The following AFF3 variants were observed in gnomAD, a reference collection of about 807,000 sequenced individuals.
AFF3 encodes the protein ALF transcription elongation factor 3, also known as AF4/FMR2 family member 3.
A neutral mutation model predicts 129.7 loss-of-function variants in AFF3; 32 were observed. The observed-to-expected ratio is 0.25, with a 90% CI of 0.19 to 0.33. The LOEUF (loss-of-function observed/expected upper bound fraction) is 0.33, where lower values mean the gene tolerates loss of function less well. Ranked by LOEUF, AFF3 falls within the 10% of genes least tolerant of loss-of-function variation. AFF3 has a pLI of 1.00. For synonymous variants in AFF3, 644 were observed against 635.4 expected (o/e 1.01, Z -0.20); for missense variants, 1,373 against 1,592.0 (o/e 0.86, Z 2.34).
chr2:99,836,007 G>A (rs963537882), intron 8 of AFF3, among the ~76,000 whole-genome samples: 8 of 152,144 alleles, frequency 5.3e-5, no homozygotes, highest in Non-Finnish European at 1.0e-4. Flanking sequence ...ATTGAATTTT[G>A]CTTTACCTAA....
chr2:100,037,036 G>A (rs1351451649), intron 4 of AFF3, among the ~76,000 whole-genome samples: 2 of 151,968 alleles, frequency 1.3e-5, no homozygotes, highest in Non-Finnish European at 2.9e-5. Context: ...TATCAAAAGC[G>A]TTCTGAAAGC....
intron 7 of AFF3, among the ~76,000 whole-genome samples, chr2:99,980,590 A>G (rs1210194206): frequency 2.0e-5 from 3 of 152,174 alleles, no homozygotes; most frequent in Admixed American, 1.3e-4. Context: ...TTAAGCAGAG[A>G]GCCAGGTATT....
intron 4 of AFF3, among the ~76,000 whole-genome samples, chr2:100,048,944 A>G (rs1420584480): frequency 2.0e-5 from 3 of 152,234 alleles, no homozygotes; most frequent in Admixed American, 6.5e-5. Flanking sequence ...GGTTTTTTAA[A>G]ATAAAAAAGA....
At chr2:100,030,081 TAATAATAA>T (rs1684371455) in intron 4 of AFF3, among the ~76,000 whole-genome samples, 2 of 149,846 alleles carry the variant, frequency 1.3e-5, no homozygotes, top group South Asian at 4.2e-4. Flanking sequence ...ATAATAATAA[TAATAATAA>T]TAATAATAAT....
intron 13 of AFF3, among the ~76,000 whole-genome samples, chr2:99,631,780 T>C (rs1011676146): frequency 4.6e-5 from 7 of 152,216 alleles, no homozygotes; most frequent in Non-Finnish European, 8.8e-5. Flanking sequence ...TGCTTCTACC[T>C]TTTGGCTATT....
intron 7 of AFF3, among the ~76,000 whole-genome samples, chr2:99,927,769 T>G (rs1284087524): frequency 6.6e-6 from 1 of 152,216 alleles, no homozygotes; most frequent in Admixed American, 6.5e-5. Context: ...CTAAGTGTCC[T>G]AATCAGAGAA....
chr2:99,988,916 G>A (rs1291105263), intron 7 of AFF3, among the ~76,000 whole-genome samples: 1 of 152,210 alleles, frequency 6.6e-6, no homozygotes, highest in Non-Finnish European at 1.5e-5. Context: ...GTTGAACTAA[G>A]TTTGGAAGAG....
At chr2:100,122,233 G>A (rs933772358) in intron 2 of AFF3, among the ~76,000 whole-genome samples, 1 of 152,052 alleles carries the variant, frequency 6.6e-6, no homozygotes. Context: ...TTTTTTATTG[G>A]TGCATTCTTT....
chr2:99,921,724 A>T (rs1463079740), intron 7 of AFF3, among the ~76,000 whole-genome samples: 1 of 152,182 alleles, frequency 6.6e-6, no homozygotes, highest in Non-Finnish European at 1.5e-5. Flanking sequence ...ACTTCATCAC[A>T]ATTAAAAATA....
At chr2:99,893,144 G>A (rs1387588950) in intron 7 of AFF3, among the ~76,000 whole-genome samples, 2 of 152,160 alleles carry the variant, frequency 1.3e-5, no homozygotes, top group Non-Finnish European at 2.9e-5. Flanking sequence ...AAAAATCCAC[G>A]TAACTGTCTT....
rs1028702223 is a variant in AFF3 at position 100,139,527 on chromosome 2, C to A, written c.-228+2957G>T. On this transcript the variant is annotated intron_variant, in intron 1 of 24. Transcript: ENST00000672756. ...TCTAGTTGTCTTGTATTCATTATAA[C>A]CCCCCATTTTTAGTGCAGATAAAAA... 5.3e-5 allele frequency among the ~76,000 whole-genome samples: 8 copies of A among 152,204 alleles called. No individual in the cohort carries two copies. The East Asian group carries it at 7.7e-4, about 15-fold the overall frequency.
intron 7 of AFF3, among the ~76,000 whole-genome samples, chr2:99,844,434 CTT>C (rs984233053): frequency 2.2e-5 from 2 of 92,464 alleles, no homozygotes; most frequent in Non-Finnish European, 2.0e-5. Context: ...TTTTTCTTTT[CTT>C]TTTTTTTTTT....
intron 1 of AFF3, among the ~76,000 whole-genome samples, chr2:100,136,558 CAT>C (rs570593142): frequency 8.5e-5 from 13 of 152,218 alleles, no homozygotes; most frequent in Non-Finnish European, 1.9e-4. Context: ...TAAATGGACA[CAT>C]GTGGGAGTGT....
intron 12 of AFF3, among the ~76,000 whole-genome samples, chr2:99,668,464 C>T (rs1157108980): frequency 4.6e-5 from 7 of 151,914 alleles, no homozygotes; most frequent in Admixed American, 4.6e-4. Context: ...GCCACCACAC[C>T]CCGCCGGGAA....
chr2:99,936,740 GC>G (rs1266668687), intron 7 of AFF3, among the ~76,000 whole-genome samples: 1 of 152,186 alleles, frequency 6.6e-6, no homozygotes, highest in Non-Finnish European at 1.5e-5. Flanking sequence ...AAACACGCTT[GC>G]TAAAAAGGCA....
intron 11 of AFF3, 139 bp from the exon 12 acceptor site, chr2:99,672,728 C>G: frequency 1.2e-6 from 1 of 809,124 alleles, no homozygotes; most frequent in Non-Finnish European, 1.9e-6. Context: ...TATTTTTTTT[C>G]TTTCCTTCTT....
rs998488962 is a variant in AFF3, at chr2:100,018,116, C to G, written c.54-9184G>C. Among the ~76,000 whole-genome samples the G allele has an allele frequency of 2.6e-5, 4 of 152,034 alleles. 1 individual carries two copies. The South Asian group carries it at 8.3e-4, about 32-fold the overall frequency. On this transcript the variant is annotated intron_variant, in intron 4 of 24. Coordinates refer to ENST00000672756, the MANE Select transcript of AFF3 (RefSeq NM_001386135.1). ...AATATGCAATTCAAATGACACAGCA[C>G]TAGCAGTGAACTAATACTCTAGTCC...
intron 1 of AFF3, among the ~76,000 whole-genome samples, chr2:100,142,236 G>A (rs191902350): frequency 2.6e-4 from 39 of 151,696 alleles, no homozygotes; most frequent in Non-Finnish European, 4.9e-4. Flanking sequence ...ACATGCACAC[G>A]CACACACACT....
intron 7 of AFF3, among the ~76,000 whole-genome samples, chr2:99,951,734 C>T (rs775583139): frequency 2.0e-5 from 3 of 152,226 alleles, no homozygotes; most frequent in Non-Finnish European, 4.4e-5. Flanking sequence ...CAACCTCCGC[C>T]TCCCAGGTTC....
Sources: allele counts gnomAD v4.1 joint callset (sites outside exome capture counted in the v4.1 genomes callset), GRCh38; gene constraint gnomAD v4.1.1; transcripts MANE v1.5; gene names NCBI Gene and HGNC (gene_info 2026-07-23, HGNC 2026-07-21).